Variants in CIMAP1B observed in about 807,000 individuals in gnomAD.
CIMAP1B encodes orf2 5' to PD-ECGF/TP.
At chr22:50,530,918 G>T in the CIMAP1B span, 5 of 1,609,498 alleles carry the variant, frequency 3.1e-6, no homozygotes, top group Non-Finnish European at 4.2e-6. Flanking sequence ...CCCTGCGTCC[G>T]CCCCGGCCCC....
At chr22:50,532,187 TCAGCG>T in the CIMAP1B span, 261 of 1,274,240 alleles carry the variant, frequency 2.0e-4, 4 homozygotes, top group South Asian at 5.4e-3. Flanking sequence ...TACCCTGGGA[TCAGCG>T]CGGGGCGGGG....
At chr22:50,532,457 G>C in the CIMAP1B span, 1 of 187,070 alleles carries the variant, frequency 5.3e-6, no homozygotes, top group Non-Finnish European at 1.1e-5. Flanking sequence ...GGGGGACCCG[G>C]TGCCCCGAGG....
At chr22:50,531,065 A>G in the CIMAP1B span, 4 of 1,607,924 alleles carry the variant, frequency 2.5e-6, no homozygotes, top group South Asian at 4.4e-5. Context: ...GGACCTGGGG[A>G]GGAGGCAGGG....
the CIMAP1B span, chr22:50,531,856 C>G: frequency 1.5e-6 from 2 of 1,328,898 alleles, no homozygotes; most frequent in African/African-American, 3.1e-5. Flanking sequence ...CACAGACCCC[C>G]TCTCCCCTCT....
chr22:50,531,756 G>T, the CIMAP1B span: 262 of 1,373,026 alleles, frequency 1.9e-4, 6 homozygotes, highest in South Asian at 4.0e-3. Context: ...GGCCGCGACG[G>T]GTCATGCAGG....
chr22:50,531,353 C>G, the CIMAP1B span: 3 of 1,378,918 alleles, frequency 2.2e-6, no homozygotes, highest in Non-Finnish European at 3.0e-6. Context: ...TGGTGGGTAC[C>G]CGAGATGGGG....
the CIMAP1B span, chr22:50,531,159 C>A: frequency 6.2e-7 from 1 of 1,600,668 alleles, no homozygotes; most frequent in Non-Finnish European, 8.5e-7. Context: ...TGGGAAGGCC[C>A]ACAGTTCTGG....
At chr22:50,530,978 C>G in the CIMAP1B span, 38 of 1,611,380 alleles carry the variant, frequency 2.4e-5, no homozygotes, top group Non-Finnish European at 3.1e-5. Flanking sequence ...GCTCTGCGGC[C>G]GTAGATGGAG....
At chr22:50,531,199 T>C in the CIMAP1B span, 1 of 1,612,568 alleles carries the variant, frequency 6.2e-7, no homozygotes, top group African/African-American at 1.3e-5. Context: ...ACCTGGGCTC[T>C]GCTGTTCCGC....
At chr22:50,532,250 C>A in the CIMAP1B span, 53 of 914,504 alleles carry the variant, frequency 5.8e-5, no homozygotes, top group East Asian at 1.8e-3. Context: ...ACGCGAGCTT[C>A]CTTCCCGGCT....
chr22:50,532,374 A>T, the CIMAP1B span: 1 of 308,738 alleles, frequency 3.2e-6, no homozygotes, highest in Non-Finnish European at 5.9e-6. Context: ...GGTGAAGGGA[A>T]TCACCTGGGG....
the CIMAP1B span, chr22:50,531,906 C>G: frequency 2.7e-5 from 35 of 1,315,712 alleles, no homozygotes; most frequent in Middle Eastern, 2.1e-4. Flanking sequence ...CCTCCCTGGT[C>G]TCTTCCCCTT....
At chr22:50,530,932 C>T in the CIMAP1B span, 2 of 1,610,648 alleles carry the variant, frequency 1.2e-6, no homozygotes, top group Non-Finnish European at 8.5e-7. Context: ...CGGCCCCTCC[C>T]CCACCTTGCT....
the CIMAP1B span, chr22:50,530,988 G>A: frequency 1.2e-6 from 2 of 1,611,220 alleles, no homozygotes; most frequent in Non-Finnish European, 1.7e-6. Context: ...CGTAGATGGA[G>A]CAAGTTGGGG....
chr22:50,532,174 C>T, the CIMAP1B span: 1 of 1,298,780 alleles, frequency 7.7e-7, no homozygotes. Context: ...CGCACTTTCC[C>T]ACTACCCTGG....
chr22:50,531,001 G>C, the CIMAP1B span: 2 of 1,611,158 alleles, frequency 1.2e-6, no homozygotes. Flanking sequence ...AGTTGGGGCG[G>C]AGACTTTGCC....
At chr22:50,530,835 G>A in the CIMAP1B span, 4 of 1,604,260 alleles carry the variant, frequency 2.5e-6, no homozygotes, top group South Asian at 4.4e-5. Context: ...CGACCTGATA[G>A]GCGCAGGGGC....
chr22:50,531,646 G>A, the CIMAP1B span: 2 of 1,381,234 alleles, frequency 1.4e-6, no homozygotes, highest in Non-Finnish European at 1.9e-6. Context: ...CGTCGGTGCC[G>A]CGCACGGTCA....
the CIMAP1B span, chr22:50,531,485 C>G: frequency 8.1e-7 from 1 of 1,230,674 alleles, no homozygotes; most frequent in South Asian, 1.7e-5. Context: ...CCGAGGGGGA[C>G]TCGGGGTTCA....
Sources: gnomAD v4.1 joint callset for allele counts on GRCh38, gnomAD v4.1.1 for gene constraint, MANE v1.5 for transcripts, NCBI Gene and HGNC (gene_info 2026-07-23, HGNC 2026-07-21) for gene names.